The following RBFOX1 variants were observed in gnomAD, a reference collection of about 807,000 sequenced individuals.
The protein encoded by RBFOX1 is RNA binding protein fox-1 homolog 1.
In RBFOX1, 8 loss-of-function variants were observed where a neutral mutation model predicts 57.7. The observed-to-expected ratio is 0.14, with a 90% CI of 0.08 to 0.25. The LOEUF (loss-of-function observed/expected upper bound fraction) is 0.25, where lower values mean the gene tolerates loss of function less well. Ranked by LOEUF, RBFOX1 falls within the 10% of genes least tolerant of loss-of-function variation. The pLI is 1.00. For missense variants in RBFOX1, 611 were observed against 548.5 expected (o/e 1.11, Z -1.14); for synonymous variants, 326 against 222.4 (o/e 1.47, Z -4.15).
chr16:7,566,535 G>A (rs1457544192), intron 5 of RBFOX1, among the ~76,000 whole-genome samples: 3 of 152,086 alleles, frequency 2.0e-5, no homozygotes, highest in Non-Finnish European at 2.9e-5. Context: ...GTGTGACTTC[G>A]GACAGATCGC....
chr16:5,675,559 G>C (rs925632111), intron 3 of RBFOX1, among the ~76,000 whole-genome samples: 4 of 152,262 alleles, frequency 2.6e-5, no homozygotes, highest in African/African-American at 9.6e-5. Context: ...AGAAAACAAG[G>C]CATGGGGAAA....
At chr16:6,162,707 G>A (rs542942892) in intron 1 of RBFOX1, among the ~76,000 whole-genome samples, 3 of 152,204 alleles carry the variant, frequency 2.0e-5, no homozygotes, top group Admixed American at 2.0e-4. Context: ...ACATGGAGGG[G>A]AATGGGCATA....
At chr16:6,349,956 C>T (rs1001992861) in intron 2 of RBFOX1, among the ~76,000 whole-genome samples, 3 of 152,066 alleles carry the variant, frequency 2.0e-5, no homozygotes, top group African/African-American at 4.8e-5. Context: ...TGGAGATTTC[C>T]ATGGTGAATG....
At chr16:6,506,878 C>A (rs2096111682) in intron 2 of RBFOX1, among the ~76,000 whole-genome samples, 1 of 152,034 alleles carries the variant, frequency 6.6e-6, no homozygotes, top group Admixed American at 6.5e-5. Flanking sequence ...AAACTCCTGA[C>A]CTCAAGTGAT....
At chr16:5,483,488 G>C (rs1567148092) in intron 2 of RBFOX1, among the ~76,000 whole-genome samples, 1 of 152,154 alleles carries the variant, frequency 6.6e-6, no homozygotes, top group Non-Finnish European at 1.5e-5. Context: ...GGATCTAATT[G>C]TGTCTTATTT....
chr16:6,018,773 G>T (rs181980526), upstream of RBFOX1, among the ~76,000 whole-genome samples: 19 of 152,276 alleles, frequency 1.2e-4, no homozygotes, highest in East Asian at 2.9e-3. Flanking sequence ...ATTGGGGTTG[G>T]GAGGAGGGCG....
intron 4 of RBFOX1, among the ~76,000 whole-genome samples, chr16:5,901,586 C>T (rs539272824): frequency 1.1e-4 from 16 of 152,242 alleles, no homozygotes; most frequent in Non-Finnish European, 1.8e-4. Flanking sequence ...GCCCCTCAGC[C>T]ATAACAGCCC....
rs8059734 is a variant in RBFOX1 at position 6,450,858 on chromosome 16, T to A, written c.-64+133801T>A. 2.0e-4 allele frequency among the ~76,000 whole-genome samples: 20 copies of A among 97,592 alleles called. 2 individuals carry two copies. The highest frequency in any genetic ancestry group is 8.2e-4 in the African/African-American group (20 of 24,328). 64.0% of individuals were successfully genotyped at this position (97,592 alleles called of 152,430 possible). A position where few individuals can be genotyped will look rare whatever the true frequency, so the allele number is the denominator to read the frequency against. The stretch of plus-strand genomic sequence containing the variant: ...ATATGTGTATATATATATATATATA[T>A]ATATATATATATATATCTCCTCTGA... On this transcript the variant is annotated intron_variant, in intron 2 of 15. Coordinates refer to ENST00000550418, the MANE Select transcript of RBFOX1 (RefSeq NM_018723.4).
chr16:7,688,347 A>C (rs4408560), intron 14 of RBFOX1, among the ~76,000 whole-genome samples: 59,929 of 151,400 alleles, frequency 0.4, 12,144 homozygotes, highest in Non-Finnish European at 0.45. Context: ...ATCCTGAGAT[A>C]TATTTAACAA....
intron 4 of RBFOX1, among the ~76,000 whole-genome samples, chr16:7,497,745 C>A (rs1012921956): frequency 6.6e-6 from 1 of 152,192 alleles, no homozygotes; most frequent in African/African-American, 2.4e-5. Flanking sequence ...GAACTAGTTT[C>A]TTTCTGATCA....
intron 4 of RBFOX1, among the ~76,000 whole-genome samples, chr16:6,001,641 AATAC>A (rs2152329807): frequency 6.6e-6 from 1 of 152,360 alleles, no homozygotes; most frequent in East Asian, 1.9e-4. Flanking sequence ...TATTTGCTTA[AATAC>A]ATGGTAACAA....
At chr16:5,848,230 C>T (rs1054327710) in intron 3 of RBFOX1, among the ~76,000 whole-genome samples, 1 of 152,086 alleles carries the variant, frequency 6.6e-6, no homozygotes, top group African/African-American at 2.4e-5. Flanking sequence ...TCTTATCCAG[C>T]CCACCACCAC....
At chr16:7,271,737 G>C (rs578169208) in intron 4 of RBFOX1, among the ~76,000 whole-genome samples, 86 of 152,114 alleles carry the variant, frequency 5.7e-4, no homozygotes, top group Non-Finnish European at 1.1e-3. Context: ...AGTCGGTCCT[G>C]CTTCTAGAAA....
chr16:7,001,897 A>T (rs1426429494), intron 3 of RBFOX1, among the ~76,000 whole-genome samples: 1 of 152,188 alleles, frequency 6.6e-6, no homozygotes, highest in Non-Finnish European at 1.5e-5. Flanking sequence ...TCCCCATAGT[A>T]AGCGGGGGTC....
chr16:5,486,921 T>C (rs1428140125), intron 2 of RBFOX1, among the ~76,000 whole-genome samples: 2 of 152,158 alleles, frequency 1.3e-5, no homozygotes, highest in Non-Finnish European at 2.9e-5. Context: ...GCAGCCTCTC[T>C]CAGACCTGAT....
intron 4 of RBFOX1, among the ~76,000 whole-genome samples, chr16:7,244,643 G>C (rs945012182): frequency 2.0e-5 from 3 of 152,178 alleles, no homozygotes; most frequent in African/African-American, 7.2e-5. Flanking sequence ...AACCAATGTT[G>C]CTGCTTAAGC....
At chr16:5,713,119 G>A (rs1227746335) in intron 3 of RBFOX1, among the ~76,000 whole-genome samples, 1 of 152,180 alleles carries the variant, frequency 6.6e-6, no homozygotes, top group Non-Finnish European at 1.5e-5. Flanking sequence ...TTCTCTAGTT[G>A]AATGAACCGA....
At chr16:6,006,194 C>T (rs2094926145) in intron 4 of RBFOX1, among the ~76,000 whole-genome samples, 2 of 152,142 alleles carry the variant, frequency 1.3e-5, no homozygotes, top group Non-Finnish European at 2.9e-5. Flanking sequence ...GGGGAAATCA[C>T]CTCTCCTCCC....
chr16:5,838,284 G>T (rs1024810510), intron 3 of RBFOX1: 2 of 225,040 alleles, frequency 8.9e-6, no homozygotes, highest in African/African-American at 4.7e-5. Context: ...TGAGGTATGG[G>T]TGGCGGCCTG....
Sources: allele counts gnomAD v4.1 joint callset (sites outside exome capture counted in the v4.1 genomes callset), GRCh38; gene constraint gnomAD v4.1.1; transcripts MANE v1.5; gene names NCBI Gene and HGNC (gene_info 2026-07-23, HGNC 2026-07-21).